Variants in CEP350 observed in about 807,000 individuals in gnomAD.
CEP350 encodes centrosome-associated protein 350.
In CEP350, 126 loss-of-function variants were observed where a neutral mutation model predicts 331.8. The ratio of observed to expected loss-of-function variants is 0.38; its 90% CI spans 0.33 to 0.44. CEP350 has a LOEUF of 0.44. CEP350 is among the 20% of genes least tolerant of loss of function. The probability of loss-of-function intolerance (pLI) is 1.00; values close to 1 mark genes in which losing one functional copy is unlikely to be tolerated. For missense variants in CEP350, 3,406 were observed against 3,634.6 expected (o/e 0.94, Z 1.62); for synonymous variants, 1,200 against 1,259.5 (o/e 0.95, Z 1.00).
At chr1:180,024,980 A>G (rs549270605) in intron 14 of CEP350, among the ~76,000 whole-genome samples, 130 of 150,828 alleles carry the variant, frequency 8.6e-4, no homozygotes, top group African/African-American at 2.8e-3. Flanking sequence ...GCTGGAGTGC[A>G]GTGGCGTGAT....
intron 1 of CEP350, among the ~76,000 whole-genome samples, chr1:179,963,289 G>A (rs556394236): frequency 5.3e-5 from 8 of 151,472 alleles, no homozygotes; most frequent in African/African-American, 1.9e-4. Flanking sequence ...TGATTCTTTT[G>A]CTATGTAGAA....
intron 1 of CEP350, among the ~76,000 whole-genome samples, chr1:179,960,821 C>A (rs937966444): frequency 1.3e-5 from 2 of 151,918 alleles, no homozygotes; most frequent in Non-Finnish European, 2.9e-5. Flanking sequence ...ATTTTTCGAT[C>A]TGCTACTAAG....
intron 22 of CEP350, among the ~76,000 whole-genome samples, chr1:180,049,277 A>G (rs983498071): frequency 2.0e-5 from 3 of 152,242 alleles, no homozygotes; most frequent in African/African-American, 7.2e-5. Flanking sequence ...TAAGCCTTAG[A>G]AGGAAACACA....
intron 1 of CEP350, among the ~76,000 whole-genome samples, chr1:179,971,647 T>TTAAG: frequency 6.6e-6 from 1 of 152,116 alleles, no homozygotes; most frequent in African/African-American, 2.4e-5. Context: ...AAATGGAAAA[T>TTAAG]AACTAACTGT....
chr1:180,053,477 G>A (rs1264131746), intron 23 of CEP350, among the ~76,000 whole-genome samples: 1 of 152,080 alleles, frequency 6.6e-6, no homozygotes, highest in Non-Finnish European at 1.5e-5. Flanking sequence ...TTACCAAATT[G>A]TAATCCTCTT....
intron 21 of CEP350, among the ~76,000 whole-genome samples, chr1:180,047,454 A>G (rs1657196312): frequency 6.6e-6 from 1 of 152,094 alleles, no homozygotes; most frequent in Non-Finnish European, 1.5e-5. Flanking sequence ...CAAGGAGAAT[A>G]TGTAATATAA....
At chr1:179,960,619 G>A (rs1227953173) in intron 1 of CEP350, among the ~76,000 whole-genome samples, 1 of 151,942 alleles carries the variant, frequency 6.6e-6, no homozygotes, top group African/African-American at 2.4e-5. Flanking sequence ...CCAAACGCTA[G>A]GTTTTGGGAG....
At chr1:179,982,459 A>C (rs1249815808) in intron 1 of CEP350, among the ~76,000 whole-genome samples, 1 of 152,180 alleles carries the variant, frequency 6.6e-6, no homozygotes, top group Non-Finnish European at 1.5e-5. Flanking sequence ...TTAGTAATTT[A>C]TATTAAAGAT....
At chr1:179,960,681 A>G (rs574522946) in intron 1 of CEP350, among the ~76,000 whole-genome samples, 1 of 152,300 alleles carries the variant, frequency 6.6e-6, no homozygotes, top group South Asian at 2.1e-4. Flanking sequence ...GGAACAGTAA[A>G]TGAAGGTGGT....
At position 180,053,912 on chromosome 1, in the gene CEP350, G is replaced by C; in HGVS notation, c.5152G>C (p.Ala1718Pro). 1.3e-6 allele frequency: 2 copies of C among 1,597,924 alleles called. No homozygotes were observed. The highest frequency in any genetic ancestry group is 1.7e-6 in the Non-Finnish European group (2 of 1,171,172). ...ALKEKTKAEL[A>P]WLEHQKKHLR... ...GAAGGAGAAGACTAAGGCTGAATTG[G>C]CCTGGTTAGAGCATCAAAAAAAGTA... The change falls in exon 24 of 38, where the codon GCC becomes CCC. Residue 1718 changes from alanine to proline, a missense_variant. By Grantham distance (27) the Ala-to-Pro change is conservative. Coordinates refer to ENST00000367607, the MANE Select transcript of CEP350 (RefSeq NM_014810.5).
At position 180,034,082 on chromosome 1, in the gene CEP350, G is replaced by C; in HGVS notation, c.3946G>C (p.Gly1316Arg). 2 of 1,610,914 alleles carry C rather than the reference G, an allele frequency of 1.2e-6. No individual in the cohort carries two copies. The highest frequency in any genetic ancestry group is 2.2e-5 in the South Asian group (2 of 90,588). The change falls in exon 16 of 38, where the codon GGT becomes CGT. Residue 1316 changes from glycine to arginine, a missense_variant and splice_region_variant. Gly to Arg is a moderately radical substitution (Grantham distance 125). Around this residue, in one of 5 missense-constraint regions of CEP350, gnomAD observed 1,857 missense variants for 1,909.2 expected, o/e 0.97. Coordinates refer to ENST00000367607, the MANE Select transcript of CEP350 (RefSeq NM_014810.5). ...TTTENMAPIP[G>R]SKRFSPAGLH... ...GACAGAGAACATGGCTCCAATACCA[G>C]GTAAGTAGATTCATGCAATTGTAAT...
intron 19 of CEP350, among the ~76,000 whole-genome samples, chr1:180,042,167 C>CACA (rs3223192): frequency 6.7e-6 from 1 of 150,198 alleles, no homozygotes; most frequent in Non-Finnish European, 1.5e-5. Flanking sequence ...CACACACACA[C>CACA]ATCTCCCTAT....
chr1:180,094,964 G>T (rs750603562), intron 34 of CEP350, among the ~76,000 whole-genome samples: 4 of 152,166 alleles, frequency 2.6e-5, no homozygotes, highest in Admixed American at 6.5e-5. Flanking sequence ...GAACAAATTC[G>T]TTCCATGGAG....
At chr1:179,965,694 T>A in intron 1 of CEP350, among the ~76,000 whole-genome samples, 1 of 149,778 alleles carries the variant, frequency 6.7e-6, no homozygotes, top group East Asian at 2.0e-4. Context: ...AATCTCGGCT[T>A]ACTGCAACCT....
rs571097232 is a variant in CEP350 at position 180,046,193 on chromosome 1, G to A, written c.4622+2020G>A. Among the ~76,000 whole-genome samples, 18 of 152,234 alleles carry A rather than the reference G, an allele frequency of 1.2e-4. No homozygotes were observed. In the South Asian group the frequency reaches 1.5e-3, roughly 12 times the overall value. Reference sequence around the variant, plus strand: ...AGACTAGAAGCTCTTTGAGGGCTTCGTTTTCATCACCCCAGAAAGAAACTC... The same window carrying A: ...AGACTAGAAGCTCTTTGAGGGCTTCATTTTCATCACCCCAGAAAGAAACTC... On this transcript the variant is annotated intron_variant, in intron 21 of 37. Coordinates refer to ENST00000367607, the MANE Select transcript of CEP350 (RefSeq NM_014810.5).
In CEP350 at chr1:180,036,931, A is replaced by G; in HGVS notation, c.3952A>G (p.Lys1318Glu). The change falls in exon 17 of 38, where the codon AAG (lysine) becomes GAG (glutamate). Residue 1318 changes from lysine to glutamate, a missense_variant. Lys to Glu is a moderately conservative substitution (Grantham distance 56). Coordinates refer to ENST00000367607, the MANE Select transcript of CEP350 (RefSeq NM_014810.5). The stretch of plus-strand genomic sequence containing the variant: ...ACCATTGTCATGCCTTCCAGGTTCT[A>G]AGCGCTTTTCTCCTGCTGGCCTCCA... The part of the protein sequence containing the change: ...TENMAPIPGS[K>E]RFSPAGLHHR... The G allele has an allele frequency of 6.4e-7, 1 of 1,565,668 alleles. No homozygotes were observed. Among genetic ancestry groups the G allele is most frequent in the Non-Finnish European group, 8.6e-7 (1 of 1,158,518 alleles).
intron 19 of CEP350, 34 bp from the exon 20 acceptor site, chr1:180,043,022 T>C (rs1254671370): frequency 6.3e-7 from 1 of 1,595,474 alleles, no homozygotes; most frequent in East Asian, 2.3e-5. Context: ...TACGTTTTAA[T>C]ACATTTGCCT....
At chr1:180,078,291 AAATAGATAACCCAGAAATAGATCTG>A (rs1659359587) in intron 28 of CEP350, among the ~76,000 whole-genome samples, 147 bp from the exon 29 acceptor site, 1 of 152,246 alleles carries the variant, frequency 6.6e-6, no homozygotes, top group Non-Finnish European at 1.5e-5. Flanking sequence ...ATAGACTGTG[AAATAGATAACCCAGAAATAGATCTG>A]TGCATCTGTG....
intron 1 of CEP350, among the ~76,000 whole-genome samples, chr1:179,966,022 T>C (rs969594199): frequency 6.6e-6 from 1 of 152,138 alleles, no homozygotes; most frequent in Admixed American, 6.5e-5. Flanking sequence ...AAGCCTTCTC[T>C]GTACCTGGAC....
Sources: allele counts gnomAD v4.1 joint callset (sites outside exome capture counted in the v4.1 genomes callset), GRCh38; gene constraint gnomAD v4.1.1; regional missense constraint gnomAD v4.1.1; transcripts MANE v1.5; gene names NCBI Gene and HGNC (gene_info 2026-07-23, HGNC 2026-07-21).